The following PEX13 variants were observed in gnomAD, a reference collection of about 807,000 sequenced individuals.
PEX13 encodes peroxisome biogenesis factor 13.
PEX13 carries 28 observed loss-of-function variants against 34.5 expected under a neutral mutation model. The observed-to-expected ratio is 0.81, with a 90% CI of 0.60 to 1.11. The LOEUF is 1.11. PEX13 is among the 50% of genes most tolerant of loss of function. The pLI is 0.00. For missense variants in PEX13, 550 were observed against 491.0 expected (o/e 1.12, Z -1.13); for synonymous variants, 177 against 175.1 (o/e 1.01, Z -0.09).
At chr2:61,025,137 C>T (rs759294420) in intron 1 of PEX13, among the ~76,000 whole-genome samples, 1 of 151,732 alleles carries the variant, frequency 6.6e-6, no homozygotes, top group African/African-American at 2.4e-5. Flanking sequence ...GGCGTGATCT[C>T]GGCTCATTGC....
rs747030355 is a variant in PEX13, at chr2:61,031,545, T to C, written c.219T>C (p.Pro73=). 10 of 1,614,108 alleles carry C rather than the reference T, an allele frequency of 6.2e-6. No homozygotes were observed. The highest frequency in any genetic ancestry group is 1.3e-5 in the African/African-American group (1 of 74,938). ...TGSSSVNTFR[P]AYSSFSSGYG... ...GTAGCAGTGTGAACACTTTTAGACC[T>C]GCTTACAGTTCATTTTCTTCTGGAT... is the stretch of plus-strand genomic sequence containing the variant. The change falls in exon 2 of 4, where the codon CCT becomes CCC. Residue 73 remains proline (P), a synonymous_variant. Coordinates refer to ENST00000295030, the MANE Select transcript of PEX13 (RefSeq NM_002618.4).
intron 1 of PEX13, 23 bp from the exon 2 acceptor site, chr2:61,031,396 T>C (rs770724196): frequency 6.4e-7 from 1 of 1,563,136 alleles, no homozygotes; most frequent in Non-Finnish European, 8.8e-7. Flanking sequence ...TAAATAACTG[T>C]TTTGAATCTT....
intron 1 of PEX13, among the ~76,000 whole-genome samples, chr2:61,022,032 A>G (rs1455682293): frequency 1.3e-5 from 2 of 152,244 alleles, no homozygotes; most frequent in East Asian, 1.9e-4. Context: ...GGTTACCAAC[A>G]TCAAAGACCA....
chr2:61,026,876 T>C (rs1680365975), intron 1 of PEX13, among the ~76,000 whole-genome samples: 1 of 152,146 alleles, frequency 6.6e-6, no homozygotes, highest in South Asian at 2.1e-4. Flanking sequence ...TTCATGTGTG[T>C]GGCATTTTTG....
intron 1 of PEX13, among the ~76,000 whole-genome samples, chr2:61,027,406 T>A (rs1484654118): frequency 6.6e-6 from 1 of 151,404 alleles, no homozygotes; most frequent in East Asian, 1.9e-4. Flanking sequence ...ATATCACACA[T>A]CAAGTCGGTC....
At chr2:61,030,631 G>A (rs560462122) in intron 1 of PEX13, among the ~76,000 whole-genome samples, 1 of 152,172 alleles carries the variant, frequency 6.6e-6, no homozygotes, top group Non-Finnish European at 1.5e-5. Flanking sequence ...TTGTTAATGA[G>A]TTAACAATAT....
chr2:61,030,679 ATAAG>A (rs1680435265), intron 1 of PEX13, among the ~76,000 whole-genome samples: 1 of 152,242 alleles, frequency 6.6e-6, no homozygotes. Context: ...AACATATAAA[ATAAG>A]TATATGTATT....
chr2:61,031,739 A>C lies in PEX13; in HGVS notation c.413A>C (p.His138Pro). ...TTTCAGTCCATTGAAAGTATTGTGCATGCATTTGCCTCTGTCAGTATGATG... is the reference window on the plus strand; with the variant it reads ...TTTCAGTCCATTGAAAGTATTGTGCCTGCATTTGCCTCTGTCAGTATGATG... The part of the protein sequence containing the change: ...GAFQSIESIV[H>P]AFASVSMMMD... Residue 138 changes from histidine to proline, a missense_variant, in exon 2 of 4, where the codon CAT (histidine) becomes CCT (proline). Physicochemically the swap from His to Pro is moderately conservative, Grantham distance 77. Coordinates refer to ENST00000295030, the MANE Select transcript of PEX13 (RefSeq NM_002618.4). 1 of 1,614,234 alleles carries C rather than the reference A, an allele frequency of 6.2e-7. No homozygotes were observed. Among genetic ancestry groups the C allele is most frequent in the Non-Finnish European group, 8.5e-7 (1 of 1,180,028 alleles).
At chr2:61,047,716 C>T (rs549359827) in intron 3 of PEX13, among the ~76,000 whole-genome samples, 48 of 152,230 alleles carry the variant, frequency 3.2e-4, no homozygotes, top group African/African-American at 9.9e-4. Flanking sequence ...GGAACAAAAT[C>T]GGTCGTAGAC....
chr2:61,027,364 C>A lies in PEX13; in HGVS notation c.93-4055C>A, dbSNP rs927417659. ...AAAAAAAAAAAAAACAAAACACACA[C>A]ACACACACAAAAACAGCGAGTTAGA... On this transcript the variant is annotated intron_variant, in intron 1 of 3. Transcript: ENST00000295030. 2.0e-5 allele frequency among the ~76,000 whole-genome samples: 3 copies of A among 150,800 alleles called. No individual in the cohort carries two copies. In the East Asian group the frequency reaches 5.8e-4, roughly 29 times the overall value.
intron 2 of PEX13, among the ~76,000 whole-genome samples, chr2:61,034,874 C>T (rs1258478884): frequency 6.6e-6 from 1 of 152,226 alleles, no homozygotes; most frequent in Non-Finnish European, 1.5e-5. Flanking sequence ...CTCTAGATTC[C>T]ACCTCTGTGG....
At chr2:61,038,420 C>T (rs1019830075) in intron 2 of PEX13, among the ~76,000 whole-genome samples, 9 of 152,290 alleles carry the variant, frequency 5.9e-5, no homozygotes, top group Middle Eastern at 3.4e-3. Context: ...ATCAAGTTGG[C>T]TTCATCCTTG....
At chr2:61,040,955 C>A (rs1039210023) in intron 2 of PEX13, among the ~76,000 whole-genome samples, 1 of 151,744 alleles carries the variant, frequency 6.6e-6, no homozygotes, top group African/African-American at 2.4e-5. Flanking sequence ...GAGAGTCAAG[C>A]AGCCATTACC....
rs374559500 is a variant in PEX13 at position 61,043,095 on chromosome 2, T to G, written c.788-2631T>G. Among the ~76,000 whole-genome samples the G allele has an allele frequency of 1.4e-4, 21 of 152,232 alleles. No homozygotes were observed. The East Asian group carries it at 4.0e-3, about 29-fold the overall frequency. The stretch of plus-strand genomic sequence containing the variant: ...ATGTTATGACACAACAAGAAGGCCC[T>G]TACTAAATGCCCCTTGATCTCGGAT... On this transcript the variant is annotated intron_variant, in intron 2 of 3. Coordinates refer to ENST00000295030, the MANE Select transcript of PEX13 (RefSeq NM_002618.4).
At chr2:61,041,247 TGA>T (rs1434193193) in intron 2 of PEX13, among the ~76,000 whole-genome samples, 1 of 152,128 alleles carries the variant, frequency 6.6e-6, no homozygotes, top group Non-Finnish European at 1.5e-5. Context: ...GAGGGTGGTT[TGA>T]GCCTTGGAGG....
At chr2:61,029,332 A>G (rs1178276571) in intron 1 of PEX13, among the ~76,000 whole-genome samples, 1 of 152,184 alleles carries the variant, frequency 6.6e-6, no homozygotes, top group East Asian at 1.9e-4. Flanking sequence ...AATGAAAAAT[A>G]TAAGAGCAGA....
At chr2:61,026,129 G>A (rs918281155) in intron 1 of PEX13, among the ~76,000 whole-genome samples, 1 of 151,818 alleles carries the variant, frequency 6.6e-6, no homozygotes, top group African/African-American at 2.4e-5. Flanking sequence ...ATTCTTCGGT[G>A]CCTCGTTCTC....
chr2:61,029,943 A>G (rs1017106502), intron 1 of PEX13, among the ~76,000 whole-genome samples: 3 of 152,176 alleles, frequency 2.0e-5, no homozygotes, highest in African/African-American at 4.8e-5. Context: ...ATTAGATACT[A>G]TAAGCTAGAG....
At position 61,027,399 on chromosome 2, in the gene PEX13, T is replaced by A. The variant is rs576478966; in HGVS notation, c.93-4020T>A. 7.9e-5 allele frequency among the ~76,000 whole-genome samples: 12 copies of A among 151,556 alleles called. No homozygotes were observed. The South Asian group carries it at 2.3e-3, about 29-fold the overall frequency. ...AAAACAGCGAGTTAGATTAAGGATATCACACATCAAGTCGGTCAGTTGTTT... is the reference window on the plus strand; with the variant it reads ...AAAACAGCGAGTTAGATTAAGGATAACACACATCAAGTCGGTCAGTTGTTT... On this transcript the variant is annotated intron_variant, in intron 1 of 3. Transcript: ENST00000295030.
Sources: gnomAD v4.1 joint callset for allele counts (sites outside exome capture counted in the v4.1 genomes callset) on GRCh38, gnomAD v4.1.1 for gene constraint, MANE v1.5 for transcripts, NCBI Gene and HGNC (gene_info 2026-07-23, HGNC 2026-07-21) for gene names.